The following ITGAM variants were observed in gnomAD, a reference collection of about 807,000 sequenced individuals.
ITGAM encodes integrin subunit alpha M, also known as integrin alpha-M.
A neutral mutation model predicts 137.5 loss-of-function variants in ITGAM; 79 were observed. The observed-to-expected ratio is 0.57, with a 90% CI of 0.48 to 0.69. The LOEUF is 0.69. ITGAM is among the 30% of genes least tolerant of loss of function. The probability of loss-of-function intolerance (pLI) is 0.00; values close to 1 mark genes in which losing one functional copy is unlikely to be tolerated. For synonymous variants in ITGAM, 583 were observed against 592.3 expected, an observed-to-expected ratio of 0.98 and a Z score of 0.23; for missense variants, 1,343 against 1,483.5, an observed-to-expected ratio of 0.91 and a Z score of 1.56.
Position 31,317,108 on chromosome 16 carries a change from G to T in ITGAM, c.1708-4133G>T, listed in dbSNP as rs2080400870. On this transcript the variant is annotated intron_variant, in intron 14 of 29. Coordinates refer to ENST00000544665, the MANE Select transcript of ITGAM (RefSeq NM_000632.4). ...TTTCTTATCTTTTTCTTGCCCAATT[G>T]CTCTGGCTAGGACTTTCAGTACTGT... Among the ~76,000 whole-genome samples, 2 of 151,494 alleles carry T rather than the reference G, an allele frequency of 1.3e-5. 1 individual carries two copies. Among genetic ancestry groups the T allele is most frequent in the South Asian group, 4.2e-4 (2 of 4,798 alleles).
chr16:31,277,379 A>G (rs1370566064), intron 11 of ITGAM, among the ~76,000 whole-genome samples: 2 of 150,136 alleles, frequency 1.3e-5, no homozygotes, highest in East Asian at 1.9e-4. Context: ...TTTTTTCGAA[A>G]TGGGGTTTCG....
intron 9 of ITGAM, 42 bp downstream of exon 9, chr16:31,275,741 G>T: frequency 6.2e-7 from 1 of 1,607,194 alleles, no homozygotes; most frequent in Non-Finnish European, 8.5e-7. Context: ...TCCAGAGGCA[G>T]CCCCCCACCC....
chr16:31,263,802 AATTT>A (rs61363590), intron 2 of ITGAM, among the ~76,000 whole-genome samples: 65,047 of 129,262 alleles, frequency 0.5, 18,025 homozygotes, highest in South Asian at 0.66. Flanking sequence ...CACATACAAA[AATTT>A]ATTTATTTAT....
intron 8 of ITGAM, among the ~76,000 whole-genome samples, chr16:31,274,059 G>A (rs1050812883): frequency 2.6e-5 from 4 of 152,194 alleles, no homozygotes; most frequent in African/African-American, 9.7e-5. Context: ...CAAGGTTAGC[G>A]ATAACCAGGT....
intron 12 of ITGAM, among the ~76,000 whole-genome samples, chr16:31,293,938 G>A (rs1431140202): frequency 6.6e-6 from 1 of 152,094 alleles, no homozygotes; most frequent in Non-Finnish European, 1.5e-5. Flanking sequence ...AATTCTCACT[G>A]TACAGATCTT....
intron 14 of ITGAM, among the ~76,000 whole-genome samples, chr16:31,320,921 C>G (rs2080442372): frequency 6.6e-6 from 1 of 152,150 alleles, no homozygotes; most frequent in African/African-American, 2.4e-5. Flanking sequence ...CACCTATAAT[C>G]CTAGCACTTG....
At chr16:31,325,103 C>A in intron 19 of ITGAM, 72 bp downstream of exon 19, 2 of 1,496,266 alleles carry the variant, frequency 1.3e-6, no homozygotes, top group South Asian at 2.4e-5. Context: ...CTCCTCCTGG[C>A]CCCCAAGGGA....
At chr16:31,286,538 C>T (rs1022220076) in intron 12 of ITGAM, among the ~76,000 whole-genome samples, 1 of 152,160 alleles carries the variant, frequency 6.6e-6, no homozygotes, top group African/African-American at 2.4e-5. Flanking sequence ...TAATAGCATT[C>T]TGACTGGTGT....
intron 14 of ITGAM, among the ~76,000 whole-genome samples, chr16:31,302,374 C>CTTTCTTTTCTTTTCTTT (rs1244714489): frequency 1.3e-5 from 2 of 150,400 alleles, no homozygotes; most frequent in African/African-American, 2.5e-5. Context: ...ATCTTTTTTT[C>CTTTCTTTTCTTTTCTTT]TTTCTTTTCT....
intron 5 of ITGAM, among the ~76,000 whole-genome samples, chr16:31,266,898 C>T (rs1281554586): frequency 2.7e-5 from 4 of 149,502 alleles, no homozygotes; most frequent in Non-Finnish European, 5.9e-5. Flanking sequence ...GGCAGAGTCT[C>T]GCTCTGTCAC....
At chr16:31,305,384 T>A (rs1212271076) in intron 14 of ITGAM, among the ~76,000 whole-genome samples, 1 of 152,136 alleles carries the variant, frequency 6.6e-6, no homozygotes, top group Non-Finnish European at 1.5e-5. Context: ...TCTAGGTAAA[T>A]GATCATATCA....
chr16:31,262,356 C>T (rs552801920), intron 2 of ITGAM, among the ~76,000 whole-genome samples: 1 of 128,774 alleles, frequency 7.8e-6, no homozygotes, highest in African/African-American at 3.0e-5. Flanking sequence ...TCCTTCCTTC[C>T]TTCCTTCCTT....
intron 5 of ITGAM, among the ~76,000 whole-genome samples, chr16:31,267,706 G>T (rs1421919960): frequency 6.6e-6 from 1 of 151,714 alleles, no homozygotes; most frequent in Non-Finnish European, 1.5e-5. Flanking sequence ...AAGCTGGAGT[G>T]CAGTGGCACA....
intron 12 of ITGAM, among the ~76,000 whole-genome samples, chr16:31,280,929 G>C (rs1041828671): frequency 8.5e-5 from 13 of 152,260 alleles, no homozygotes; most frequent in Middle Eastern, 3.4e-3. Context: ...CAGCATGAAG[G>C]GCTGTTGAAT....
chr16:31,287,833 G>A (rs562286647), intron 12 of ITGAM, among the ~76,000 whole-genome samples: 86 of 152,098 alleles, frequency 5.7e-4, no homozygotes, highest in Non-Finnish European at 1.1e-3. Flanking sequence ...ATGGGGTGGG[G>A]AAAAAAGTGT....
rs1211489116 is a variant in ITGAM at position 31,266,039 on chromosome 16, C to T, written c.319C>T (p.Pro107Ser). ...TSPPQLLACG[P>S]TVHQTCSENT... The stretch of plus-strand genomic sequence containing the variant: ...GGCTCCTGTCCCCTAGGCCTGTGGT[C>T]CCACCGTGCACCAGACTTGCAGTGA... Residue 107 changes from proline (P) to serine (S), a missense_variant, in exon 5 of 30, where the codon CCC becomes TCC. Coordinates refer to ENST00000544665, the MANE Select transcript of ITGAM (RefSeq NM_000632.4). 5 of 1,613,456 alleles carry T rather than the reference C, an allele frequency of 3.1e-6. No individual in the cohort carries two copies. Among genetic ancestry groups the T allele is most frequent in the South Asian group, 2.2e-5 (2 of 91,062 alleles).
At position 31,331,976 on chromosome 16, in the gene ITGAM, CGTGTGTCCATGTGTGTGCAA is replaced by C. The variant is rs980245707; in HGVS notation, c.*276_*295del. The C allele has an allele frequency of 3.9e-6, 2 of 513,840 alleles. No homozygotes were observed. 31.8% of individuals were successfully genotyped at this position (513,840 alleles called of 1,614,324 possible). A position where few individuals can be genotyped will look rare whatever the true frequency, so the allele number is the denominator to read the frequency against. Reference sequence around the variant, plus strand: ...ATGTGAGTGTGTCCAAGTGTGTGTGCGTGTGTCCATGTGTGTGCAAGTGTGTGCATGTGTGCGAGTGTGTG... The same window carrying C: ...ATGTGAGTGTGTCCAAGTGTGTGTGCGTGTGTGCATGTGTGCGAGTGTGTG... On this transcript the variant is annotated 3_prime_UTR_variant, in exon 30 of 30. Transcript: ENST00000544665.
At chr16:31,264,600 T>C (rs1420941302) in intron 2 of ITGAM, among the ~76,000 whole-genome samples, 1 of 151,998 alleles carries the variant, frequency 6.6e-6, no homozygotes, top group African/African-American at 2.4e-5. Context: ...GCTATGATTA[T>C]GCCACTGGAC....
rs761018913 is a variant in ITGAM at position 31,276,952 on chromosome 16, T to C, written c.1116T>C (p.Tyr372=). ...NGPLLSTVGS[Y]DWAGGVFLYT... ...CCTTGCTGAGCACTGTGGGGAGCTA[T>C]GACTGGGCTGGTGGAGTCTTTCTAT... Residue 372 remains tyrosine (Y), a synonymous_variant, in exon 11 of 30, where the codon TAT becomes TAC. Transcript: ENST00000544665. 3.7e-6 allele frequency: 6 copies of C among 1,613,374 alleles called. No individual in the cohort carries two copies. The highest frequency in any genetic ancestry group is 2.7e-5 in the African/African-American group (2 of 74,890).
Sources: allele counts gnomAD v4.1 joint callset (sites outside exome capture counted in the v4.1 genomes callset), GRCh38; gene constraint gnomAD v4.1.1; transcripts MANE v1.5; gene names NCBI Gene and HGNC (gene_info 2026-07-23, HGNC 2026-07-21).